The following HORMAD2 variants were observed in gnomAD, a reference collection of about 807,000 sequenced individuals.
The protein encoded by HORMAD2 is HORMA domain containing 2.
A neutral mutation model predicts 38.8 loss-of-function variants in HORMAD2; 45 were observed. The ratio of observed to expected loss-of-function variants is 1.16; its 90% confidence interval spans 0.91 to 1.49. The LOEUF is 1.49. Among genes scored for constraint, HORMAD2 ranks in the 40% most tolerant of loss-of-function variants. The probability of loss-of-function intolerance (pLI) is 0.00; values close to 1 mark genes in which losing one functional copy is unlikely to be tolerated. For missense variants in HORMAD2, 338 were observed against 367.0 expected (o/e 0.92, Z 0.65); for synonymous variants, 126 against 122.8 (o/e 1.03, Z -0.17).
intron 10 of HORMAD2, 72 bp from the exon 11 acceptor site, chr22:30,175,991 C>G (rs1249718221): frequency 5.2e-6 from 5 of 965,146 alleles, no homozygotes; most frequent in Non-Finnish European, 6.6e-6. Flanking sequence ...CTTGGTCTAC[C>G]TGTCTTATAT....
At chr22:30,133,752 G>A (rs5753021) in intron 10 of HORMAD2, among the ~76,000 whole-genome samples, 19,871 of 151,862 alleles carry the variant, frequency 0.13, 1,423 homozygotes, top group South Asian at 0.29. Flanking sequence ...CATTTATGTC[G>A]TATTGGGTAT....
At chr22:30,082,285 G>A (rs1041982597) in intron 1 of HORMAD2, among the ~76,000 whole-genome samples, 7 of 152,178 alleles carry the variant, frequency 4.6e-5, no homozygotes, top group East Asian at 1.9e-4. Context: ...GGTTTTTGAA[G>A]ATTGAGAAAG....
At chr22:30,118,873 G>A in intron 7 of HORMAD2, 107 bp from the exon 8 acceptor site, 1 of 709,382 alleles carries the variant, frequency 1.4e-6, no homozygotes, top group South Asian at 1.7e-5. Flanking sequence ...AGCTATATAG[G>A]AAGTACAGTA....
intron 10 of HORMAD2, among the ~76,000 whole-genome samples, 196 bp from the exon 11 acceptor site, chr22:30,175,867 C>T (rs1485084844): frequency 6.6e-6 from 1 of 152,168 alleles, no homozygotes. Flanking sequence ...GGGACCTCAG[C>T]TCCTGAAACT....
At chr22:30,169,309 A>G (rs1185986976) in intron 10 of HORMAD2, among the ~76,000 whole-genome samples, 1 of 152,188 alleles carries the variant, frequency 6.6e-6, no homozygotes, top group Non-Finnish European at 1.5e-5. Flanking sequence ...TCAGCTTTGT[A>G]TCTTTAGTGT....
At chr22:30,131,349 C>T (rs1871517364) in intron 10 of HORMAD2, among the ~76,000 whole-genome samples, 1 of 152,134 alleles carries the variant, frequency 6.6e-6, no homozygotes, top group Non-Finnish European at 1.5e-5. Context: ...AATATTTTAA[C>T]CATATTTTTA....
At chr22:30,094,034 G>A (rs377183737) in intron 2 of HORMAD2, 31 bp downstream of exon 2, 454 of 1,477,758 alleles carry the variant, frequency 3.1e-4, no homozygotes, top group Admixed American at 3.8e-4. Context: ...GAAAATCAAT[G>A]ACCATTTAGT....
intron 3 of HORMAD2, among the ~76,000 whole-genome samples, chr22:30,102,576 C>A (rs1407772805): frequency 6.6e-6 from 1 of 152,144 alleles, no homozygotes; most frequent in Non-Finnish European, 1.5e-5. Flanking sequence ...GTTGCTTATG[C>A]AAAATCACAC....
At chr22:30,111,590 T>A (rs908741820) in intron 5 of HORMAD2, among the ~76,000 whole-genome samples, 7 of 152,208 alleles carry the variant, frequency 4.6e-5, no homozygotes, top group Admixed American at 1.3e-4. Context: ...ACATGGATTT[T>A]GGTATTCATA....
At chr22:30,202,509 G>A in the HORMAD2 span, among the ~76,000 whole-genome samples, 4 of 151,434 alleles carry the variant, frequency 2.6e-5, no homozygotes, top group Non-Finnish European at 5.9e-5. Context: ...AAAAAAGTCA[G>A]CTCCTTCACA....
intron 10 of HORMAD2, among the ~76,000 whole-genome samples, chr22:30,130,698 C>T (rs1322662036): frequency 6.9e-6 from 1 of 145,886 alleles, no homozygotes; most frequent in Admixed American, 7.2e-5. Context: ...TCAAGCCATT[C>T]TTCTACCTCA....
intron 3 of HORMAD2, among the ~76,000 whole-genome samples, chr22:30,100,981 G>A (rs1920939425): frequency 6.6e-6 from 1 of 152,180 alleles, no homozygotes; most frequent in African/African-American, 2.4e-5. Flanking sequence ...TTACACTGTT[G>A]GTGGGAGTGT....
chr22:30,184,549 A>C, the HORMAD2 span: 11 of 152,134 alleles, frequency 7.2e-5, no homozygotes, highest in Non-Finnish European at 1.5e-4. Context: ...ATGCTATTTT[A>C]ATGTTTTGGT....
At chr22:30,127,903 C>A (rs1034567519) in intron 10 of HORMAD2, among the ~76,000 whole-genome samples, 1 of 152,090 alleles carries the variant, frequency 6.6e-6, no homozygotes, top group African/African-American at 2.4e-5. Flanking sequence ...TTTGGTACAC[C>A]ATTTCCATGT....
chr22:30,187,217 A>G, the HORMAD2 span, among the ~76,000 whole-genome samples: 2 of 152,250 alleles, frequency 1.3e-5, 1 homozygote, highest in South Asian at 4.1e-4. Flanking sequence ...CATGTCATAC[A>G]TATTAACTCT....
chr22:30,179,132 G>A (rs143612147), downstream of HORMAD2, among the ~76,000 whole-genome samples: 474 of 152,148 alleles, frequency 3.1e-3, 9 homozygotes, highest in African/African-American at 0.011. Context: ...TCAATTTATG[G>A]TTTCAAACCC....
At chr22:30,188,653 A>G in the HORMAD2 span, among the ~76,000 whole-genome samples, 47 of 152,334 alleles carry the variant, frequency 3.1e-4, 1 homozygote, top group Admixed American at 3.0e-3. Context: ...GCTACCAGAA[A>G]ATCAGGTGTA....
intron 10 of HORMAD2, among the ~76,000 whole-genome samples, chr22:30,150,498 C>G (rs1924684677): frequency 6.6e-6 from 1 of 152,162 alleles, no homozygotes; most frequent in Non-Finnish European, 1.5e-5. Context: ...TCTTCCCCCA[C>G]CCACCTCCTC....
At chr22:30,111,425 G>A (rs1031522031) in intron 5 of HORMAD2, among the ~76,000 whole-genome samples, 1 of 152,160 alleles carries the variant, frequency 6.6e-6, no homozygotes, top group Non-Finnish European at 1.5e-5. Flanking sequence ...GACAGATGTT[G>A]CAGTCAGCCG....
Sources: allele counts gnomAD v4.1 joint callset (sites outside exome capture counted in the v4.1 genomes callset), GRCh38; gene constraint gnomAD v4.1.1; transcripts MANE v1.5; gene names NCBI Gene and HGNC (gene_info 2026-07-23, HGNC 2026-07-21).